The following PCDHA10 variants were observed in gnomAD, a reference collection of about 807,000 sequenced individuals.
The protein encoded by PCDHA10 is protocadherin alpha-10.
Under a neutral mutation model 61.2 loss-of-function variants are expected in PCDHA10, and 45 were observed. The ratio of observed to expected loss-of-function variants is 0.74; its 90% confidence interval spans 0.58 to 0.94. The LOEUF is 0.94. Among genes scored for constraint, PCDHA10 ranks in the 40% least tolerant of loss-of-function variants. The pLI is 0.00. For synonymous variants in PCDHA10, 602 were observed against 548.8 expected (o/e 1.10, Z -1.35); for missense variants, 1,278 against 1,236.2 (o/e 1.03, Z -0.51).
At chr5:140,886,903 A>G (rs1432603652) in intron 1 of PCDHA10, among the ~76,000 whole-genome samples, 1 of 152,188 alleles carries the variant, frequency 6.6e-6, no homozygotes, top group East Asian at 1.9e-4. Context: ...CATTTAATAA[A>G]TACTTATTGA....
chr5:140,866,259 T>C (rs2049241676), intron 1 of PCDHA10: 1 of 152,166 alleles, frequency 6.6e-6, no homozygotes, highest in South Asian at 2.1e-4. Context: ...CCTTCTTTCT[T>C]TACTGTGAAT....
At chr5:140,904,064 G>C (rs1238949756) in intron 1 of PCDHA10, among the ~76,000 whole-genome samples, 2 of 151,906 alleles carry the variant, frequency 1.3e-5, no homozygotes, top group Non-Finnish European at 2.9e-5. Context: ...TGGGTTTTTG[G>C]GGAACAGTAT....
chr5:140,857,554 G>C lies in PCDHA10; in HGVS notation c.1506G>C (p.Ser502=). 2 of 1,596,880 alleles carry C rather than the reference G, an allele frequency of 1.3e-6. No individual in the cohort carries two copies. Among genetic ancestry groups the C allele is most frequent in the Non-Finnish European group, 1.7e-6 (2 of 1,167,670 alleles). Residue 502 remains serine, a synonymous_variant, in exon 1 of 4, where the codon TCG becomes TCC. Coordinates refer to ENST00000307360, the MANE Select transcript of PCDHA10 (RefSeq NM_018901.4). The part of the protein sequence containing the change: ...SLVERRLGER[S]LSSYVSVHAE... ...TGGAGCGGCGGTTGGGCGAGCGCTC[G>C]CTGTCGAGCTACGTGTCGGTGCACG...
chr5:140,873,837 T>C (rs554313859), intron 1 of PCDHA10, among the ~76,000 whole-genome samples: 1 of 152,210 alleles, frequency 6.6e-6, no homozygotes, highest in South Asian at 2.1e-4. Context: ...ATTTTTGTAT[T>C]TTTAGTAGAG....
At chr5:140,897,610 C>T (rs1439314706) in intron 1 of PCDHA10, among the ~76,000 whole-genome samples, 2 of 152,078 alleles carry the variant, frequency 1.3e-5, no homozygotes, top group East Asian at 1.9e-4. Context: ...TGGGTTGGTT[C>T]CAAGTCTTTA....
chr5:140,967,240 C>T, intron 1 of PCDHA10: 1 of 1,613,644 alleles, frequency 6.2e-7, no homozygotes, highest in African/African-American at 1.3e-5. Flanking sequence ...TTCAGGTAAG[C>T]GAATCGGTGG....
At chr5:140,869,732 T>C (rs782783003) in intron 1 of PCDHA10, 2 of 1,613,412 alleles carry the variant, frequency 1.2e-6, no homozygotes, top group Non-Finnish European at 1.7e-6. Flanking sequence ...GAACTTAATT[T>C]GCTGCTAACA....
At chr5:140,967,681 G>A (rs367838143) in intron 1 of PCDHA10, 12 of 1,614,086 alleles carry the variant, frequency 7.4e-6, no homozygotes, top group Non-Finnish European at 9.3e-6. Flanking sequence ...ACCGGGAGAG[G>A]CAGCTCTTCA....
intron 1 of PCDHA10, among the ~76,000 whole-genome samples, chr5:140,970,399 G>A (rs2096402631): frequency 6.6e-6 from 1 of 152,172 alleles, no homozygotes; most frequent in Non-Finnish European, 1.5e-5. Flanking sequence ...AAAGTGGATG[G>A]CTTACCCTAC....
At chr5:140,927,133 G>A (rs2083881073) in intron 1 of PCDHA10, 16 of 1,613,984 alleles carry the variant, frequency 9.9e-6, no homozygotes, top group Non-Finnish European at 1.4e-5. Context: ...CAGAGAGCCG[G>A]CGGACCGCGA....
intron 3 of PCDHA10, among the ~76,000 whole-genome samples, chr5:141,003,426 C>T (rs1316658550): frequency 1.3e-5 from 2 of 152,144 alleles, no homozygotes; most frequent in African/African-American, 4.8e-5. Context: ...ATTCTTATGC[C>T]TCAGCCTCCC....
intron 1 of PCDHA10, among the ~76,000 whole-genome samples, chr5:140,900,826 A>G (rs1554189460): frequency 2.0e-5 from 3 of 152,224 alleles, no homozygotes. Flanking sequence ...CATTCCCACC[A>G]ACAATGTACA....
rs1554168487 is a variant in PCDHA10 at position 140,876,335 on chromosome 5, G to A, written c.2388+17899G>A. ...GGGATCAAAATGATTTTGCCAGTGA[G>A]TGAGAAATGTATGTTTTCAATAAAT... On this transcript the variant is annotated intron_variant, in intron 1 of 3. Transcript: ENST00000307360. 3 of 1,614,034 alleles carry A rather than the reference G, an allele frequency of 1.9e-6. No individual in the cohort carries two copies. The highest frequency in any genetic ancestry group is 4.5e-5 in the East Asian group (2 of 44,894).
intron 3 of PCDHA10, among the ~76,000 whole-genome samples, chr5:140,990,782 C>T (rs1460964532): frequency 2.0e-5 from 3 of 152,120 alleles, no homozygotes; most frequent in Non-Finnish European, 1.5e-5. Context: ...CTGTGTTGGA[C>T]GATGAACCAT....
intron 1 of PCDHA10, among the ~76,000 whole-genome samples, chr5:140,977,949 G>A (rs919613337): frequency 2.6e-5 from 4 of 152,036 alleles, no homozygotes; most frequent in Admixed American, 6.6e-5. Context: ...TTCAGTGACA[G>A]GGCCACCTCA....
At chr5:140,876,754 C>A in intron 1 of PCDHA10, 1 of 1,614,212 alleles carries the variant, frequency 6.2e-7, no homozygotes, top group Non-Finnish European at 8.5e-7. Context: ...GGTGACTGCG[C>A]GGGATGGGGG....
At chr5:140,862,433 G>T (rs781821294) in intron 1 of PCDHA10, 1 of 354,884 alleles carries the variant, frequency 2.8e-6, no homozygotes, top group Non-Finnish European at 5.6e-6. Flanking sequence ...GAAACTATTC[G>T]TTGGTACTCC....
chr5:140,928,262 A>G, intron 1 of PCDHA10: 1 of 1,614,214 alleles, frequency 6.2e-7, no homozygotes, highest in Non-Finnish European at 8.5e-7. Flanking sequence ...GTTGCTGAAA[A>G]CAATGGCCCT....
chr5:140,864,489 A>C (rs1194272327), intron 1 of PCDHA10: 1 of 152,184 alleles, frequency 6.6e-6, no homozygotes, highest in Admixed American at 6.5e-5. Flanking sequence ...CAGTGGGTGG[A>C]ATTTTAGCCT....
Sources: allele counts gnomAD v4.1 joint callset (sites outside exome capture counted in the v4.1 genomes callset), GRCh38; gene constraint gnomAD v4.1.1; transcripts MANE v1.5; gene names NCBI Gene and HGNC (gene_info 2026-07-23, HGNC 2026-07-21).